SLC30A9: variants seen among roughly 807,000 people sequenced by gnomAD.
SLC30A9 encodes solute carrier family 30 member 9, also known as proton-coupled zinc antiporter SLC30A9, mitochondrial.
In SLC30A9, 58 loss-of-function variants were observed where a neutral mutation model predicts 87.5. That is an observed-to-expected ratio of 0.66 (90% confidence interval 0.54 to 0.82). The LOEUF is 0.82. SLC30A9 is among the 40% of genes least tolerant of loss of function. The probability of loss-of-function intolerance (pLI) is 0.00; values close to 1 mark genes in which losing one functional copy is unlikely to be tolerated. For synonymous variants in SLC30A9, 234 were observed against 233.0 expected (o/e 1.00, Z -0.04); for missense variants, 557 against 679.1 (o/e 0.82, Z 2.00).
rs775132482 is a variant in SLC30A9 at position 42,066,585 on chromosome 4, A to C, written c.1108A>C (p.Asn370His). The change falls in exon 13 of 18, where the codon AAT becomes CAT. Residue 370 changes from asparagine (N) to histidine (H), a missense_variant. By Grantham distance (68) the Asn-to-His change is moderately conservative (BLOSUM62 1). Transcript: ENST00000264451. ...TGTTGCTGTAAATGAACTTCGTAGG[A>C]ATGCTCGGGCTAAAGGAATGTCATT... ...LLVAVNELRR[N>H]ARAKGMSFYK... is the part of the protein sequence containing the mutation. The C allele has an allele frequency of 1.2e-6, 2 of 1,606,508 alleles. No individual in the cohort carries two copies. The highest frequency in any genetic ancestry group is 2.2e-5 in the South Asian group (2 of 90,108).
chr4:42,021,832 C>T (rs1020555574), intron 4 of SLC30A9, among the ~76,000 whole-genome samples: 9 of 151,952 alleles, frequency 5.9e-5, no homozygotes, highest in African/African-American at 2.2e-4. Flanking sequence ...TTACTGCAGC[C>T]TCTACCTCCC....
chr4:42,049,378 A>G lies in SLC30A9; in HGVS notation c.739A>G (p.Asn247Asp). 1.3e-6 allele frequency: 2 copies of G among 1,594,622 alleles called. No individual in the cohort carries two copies. Among genetic ancestry groups the G allele is most frequent in the African/African-American group, 1.3e-5 (1 of 74,262 alleles). ...AATTGTTTTCTCTTTCTCTTCTAGCAATGGATTAAACTGCTTCTTTAAATT... is the reference window on the plus strand; with the variant it reads ...AATTGTTTTCTCTTTCTCTTCTAGCGATGGATTAAACTGCTTCTTTAAATT... Reference protein sequence around the residue: ...GKVVMVAICINGLNCFFKFLA... With the variant: ...GKVVMVAICIDGLNCFFKFLA... The change falls in exon 9 of 18, where the codon AAT (asparagine) becomes GAT (aspartate). Residue 247 changes from asparagine to aspartate, a missense_variant and splice_region_variant. Physicochemically the swap from Asn to Asp is conservative, Grantham distance 23. This residue lies in a region of SLC30A9 where 467 missense variants were observed against 529.8 expected (regional missense o/e 0.88). Coordinates refer to ENST00000264451, the MANE Select transcript of SLC30A9 (RefSeq NM_006345.4).
chr4:42,047,082 A>G (rs1318314852), intron 8 of SLC30A9, among the ~76,000 whole-genome samples: 1 of 152,226 alleles, frequency 6.6e-6, no homozygotes, highest in African/African-American at 2.4e-5. Context: ...AATTAACTCA[A>G]GATGGATTAA....
intron 6 of SLC30A9, chr4:42,030,049 G>T: frequency 1.2e-6 from 1 of 864,380 alleles, no homozygotes; most frequent in Non-Finnish European, 1.8e-6. Context: ...TAAAGCAGAT[G>T]GTGAGAACAT....
At chr4:42,083,108 T>TA (rs1355825742) in intron 17 of SLC30A9, among the ~76,000 whole-genome samples, 5 of 152,200 alleles carry the variant, frequency 3.3e-5, no homozygotes, top group Non-Finnish European at 7.3e-5. Flanking sequence ...ATTAGTTCAT[T>TA]GGGAGGCTGC....
chr4:42,001,827 T>C, intron 2 of SLC30A9, 47 bp downstream of exon 2: 1 of 1,329,602 alleles, frequency 7.5e-7, no homozygotes, highest in Non-Finnish European at 1.0e-6. Context: ...ACTGGAATAG[T>C]TTGTGTAAAA....
intron 8 of SLC30A9, among the ~76,000 whole-genome samples, chr4:42,040,776 A>G (rs1432389424): frequency 7.3e-6 from 1 of 136,468 alleles, no homozygotes. Flanking sequence ...AGTCTGGGCG[A>G]CAGAGCCAGA....
intron 10 of SLC30A9, among the ~76,000 whole-genome samples, chr4:42,062,481 G>C (rs1337166992): frequency 6.6e-6 from 1 of 152,160 alleles, no homozygotes; most frequent in African/African-American, 2.4e-5. Context: ...TCTAGTAATA[G>C]TTGAAAGTTG....
At chr4:42,012,440 G>T (rs1037408205) in intron 2 of SLC30A9, among the ~76,000 whole-genome samples, 14 of 152,100 alleles carry the variant, frequency 9.2e-5, no homozygotes, top group African/African-American at 3.4e-4. Flanking sequence ...ATATAAAGAT[G>T]AATGTCATTT....
chr4:42,056,931 T>C (rs1166769373), intron 9 of SLC30A9, among the ~76,000 whole-genome samples: 1 of 152,150 alleles, frequency 6.6e-6, no homozygotes, highest in Non-Finnish European at 1.5e-5. Flanking sequence ...ACAGGCCCCA[T>C]GCAAGTCCAG....
chr4:42,017,092 G>A lies in SLC30A9; in HGVS notation c.275-1019G>A, dbSNP rs200878112. Among the ~76,000 whole-genome samples, 3 of 152,030 alleles carry A rather than the reference G, an allele frequency of 2.0e-5. No homozygotes were observed. The East Asian group carries it at 5.8e-4, about 29-fold the overall frequency. ...TGCATTTTCATTGTTCCATACCCTT[G>A]CCAACATTAGGTATTCTCATATTTT... On this transcript the variant is annotated intron_variant, in intron 2 of 17. Transcript: ENST00000264451.
chr4:41,999,994 T>C (rs181492456), intron 1 of SLC30A9, among the ~76,000 whole-genome samples: 2 of 152,256 alleles, frequency 1.3e-5, no homozygotes, highest in East Asian at 1.9e-4. Context: ...AAATTGTCCA[T>C]GAGTTGATCA....
intron 6 of SLC30A9, among the ~76,000 whole-genome samples, chr4:42,031,156 G>C (rs1447951973): frequency 6.6e-6 from 1 of 151,890 alleles, no homozygotes; most frequent in Non-Finnish European, 1.5e-5. Context: ...GGTGTAAAAT[G>C]TTTTCTACTA....
chr4:42,006,373 C>A (rs1255371443), intron 2 of SLC30A9, among the ~76,000 whole-genome samples: 2 of 152,042 alleles, frequency 1.3e-5, no homozygotes, highest in African/African-American at 2.4e-5. Context: ...GGAAATGATA[C>A]CTCCTTGGAG....
intron 2 of SLC30A9, among the ~76,000 whole-genome samples, chr4:42,003,995 A>G (rs1194518899): frequency 6.6e-6 from 1 of 152,170 alleles, no homozygotes; most frequent in Non-Finnish European, 1.5e-5. Context: ...GCTATAAAGT[A>G]TGCATTGTTG....
At position 42,086,171 on chromosome 4, in the gene SLC30A9, T is replaced by C. The variant is rs1718918551; in HGVS notation, c.*45T>C. 1.6e-6 allele frequency: 2 copies of C among 1,260,458 alleles called. No homozygotes were observed. Among genetic ancestry groups the C allele is most frequent in the African/African-American group, 1.4e-5 (1 of 73,012 alleles). 78.1% of individuals were successfully genotyped at this position (1,260,458 alleles called of 1,614,324 possible). A position where few individuals can be genotyped will look rare whatever the true frequency, so the allele number is the denominator to read the frequency against. On this transcript the variant is annotated 3_prime_UTR_variant, in exon 18 of 18. Transcript: ENST00000264451. ...CTGGGTGGGGACCTTGGAAACAAGT[T>C]TGTCCGTCCACTCTACAAAGTTTCC...
chr4:42,060,260 C>G lies in SLC30A9; in HGVS notation c.896+14C>G. 1.9e-6 allele frequency: 3 copies of G among 1,603,428 alleles called. No individual in the cohort carries two copies. Among genetic ancestry groups the G allele is most frequent in the Non-Finnish European group, 2.6e-6 (3 of 1,171,100 alleles). On this transcript the variant is annotated intron_variant, in intron 10 of 17. Transcript: ENST00000264451. ...TCCTTCTCATCCGTAAGGACATTGCCTTATTTTGTTTTTGTTTGTTTTGGC... is the reference window on the plus strand; with the variant it reads ...TCCTTCTCATCCGTAAGGACATTGCGTTATTTTGTTTTTGTTTGTTTTGGC...
At chr4:42,078,628 T>G (rs575370235) in intron 17 of SLC30A9, 1 of 170,786 alleles carries the variant, frequency 5.9e-6, no homozygotes, top group Admixed American at 6.3e-5. Flanking sequence ...ATAAGCATTT[T>G]GAAAGTTCCT....
intron 9 of SLC30A9, 30 bp downstream of exon 9, chr4:42,049,509 A>G (rs1717303699): frequency 4.2e-6 from 5 of 1,189,664 alleles, no homozygotes; most frequent in Admixed American, 4.3e-5. Context: ...TTATAAGTCA[A>G]TTTTAAAGTA....
Sources: gnomAD v4.1 joint callset for allele counts (sites outside exome capture counted in the v4.1 genomes callset) on GRCh38, gnomAD v4.1.1 for gene constraint, gnomAD v4.1.1 regional missense constraint, MANE v1.5 for transcripts, NCBI Gene and HGNC (gene_info 2026-07-23, HGNC 2026-07-21) for gene names.